The following MACF1 variants were observed in gnomAD, a reference collection of about 807,000 sequenced individuals.
MACF1 encodes the protein microtubule actin crosslinking factor 1, also known as microtubule-actin cross-linking factor 1.
Under a neutral mutation model 854.8 loss-of-function variants are expected in MACF1, and 193 were observed. The observed-to-expected ratio is 0.23, with a 90% confidence interval of 0.20 to 0.25. The LOEUF is 0.25. Ranked by LOEUF, MACF1 falls within the 10% of genes least tolerant of loss-of-function variation. The probability of loss-of-function intolerance (pLI) is 1.00; values close to 1 mark genes in which losing one functional copy is unlikely to be tolerated. For missense variants in MACF1, 7,722 were observed against 8,929.1 expected, an observed-to-expected ratio of 0.86 and a Z score of 5.45; for synonymous variants, 3,185 against 3,226.7, an observed-to-expected ratio of 0.99 and a Z score of 0.44.
chr1:39,378,162 C>T (rs1211298028), intron 52 of MACF1, among the ~76,000 whole-genome samples: 1 of 151,964 alleles, frequency 6.6e-6, no homozygotes, highest in Non-Finnish European at 1.5e-5. Flanking sequence ...ATAATTTTAC[C>T]AGTACTTGCT....
At chr1:39,192,086 G>T (rs763124006) in intron 2 of MACF1, among the ~76,000 whole-genome samples, 77 of 152,124 alleles carry the variant, frequency 5.1e-4, no homozygotes, top group Non-Finnish European at 6.3e-4. Context: ...GGGAAGTGGA[G>T]ATTGCAGTGA....
chr1:39,453,873 G>A, intron 88 of MACF1, 23 bp downstream of exon 88: 1 of 1,613,786 alleles, frequency 6.2e-7, no homozygotes, highest in South Asian at 1.1e-5. Flanking sequence ...TTCAGAGGAG[G>A]ACTGCACACG....
In MACF1 at chr1:39,254,349, G is replaced by A. The variant is rs1230459206; in HGVS notation, c.409G>A (p.Ala137Thr). The part of the protein sequence containing the change: ...RFHRLQNVQI[A>T]LDFLKQRQVK... ...TCATAGGCTGCAGAATGTGCAGATT[G>A]CCCTGGACTTCCTAAAGCAGCGACA... The change falls in exon 5 of 101, where the codon GCC becomes ACC. Residue 137 changes from alanine (A) to threonine (T), a missense_variant. Around this residue, in one of 15 missense-constraint regions of MACF1, gnomAD observed 108 missense variants for 196.4 expected, o/e 0.55. Coordinates refer to ENST00000564288, the MANE Select transcript of MACF1 (RefSeq NM_001394062.1). The A allele has an allele frequency of 4.3e-6, 7 of 1,614,048 alleles. No individual in the cohort carries two copies. The highest frequency in any genetic ancestry group is 2.7e-5 in the African/African-American group (2 of 74,916).
Position 39,334,183 on chromosome 1 carries a change from C to T in MACF1, c.7595C>T (p.Ala2532Val), listed in dbSNP as rs1283234338. 2 of 1,613,900 alleles carry T rather than the reference C, an allele frequency of 1.2e-6. No individual in the cohort carries two copies. The highest frequency in any genetic ancestry group is 1.1e-5 in the South Asian group (1 of 91,074). ...FRHGLIGEDL[A>V]EKLKRVENLN... ...CATGGCTTAATTGGTGAAGATTTAG[C>T]CGAGAAACTCAAAAGAGTTGAGAAC... is the stretch of plus-strand genomic sequence containing the variant. The change falls in exon 37 of 101, where the codon GCC (alanine) becomes GTC (valine). Residue 2532 changes from alanine to valine, a missense_variant. By Grantham distance (64) the Ala-to-Val change is moderately conservative. This residue lies in a region of MACF1 where 1,531 missense variants were observed against 1,601.6 expected (regional missense o/e 0.96). Transcript: ENST00000564288.
intron 2 of MACF1, among the ~76,000 whole-genome samples, chr1:39,143,429 AGAG>A (rs1643391083): frequency 6.6e-6 from 1 of 152,220 alleles, no homozygotes; most frequent in African/African-American, 2.4e-5. Flanking sequence ...ATAATAGGAT[AGAG>A]GAGAGGCCAG....
rs1294640296 is a variant in MACF1, at chr1:39,291,901, C to T, written c.1786-9C>T. On this transcript the variant is annotated splice_polypyrimidine_tract_variant and intron_variant, in intron 15 of 100. Coordinates refer to ENST00000564288, the MANE Select transcript of MACF1 (RefSeq NM_001394062.1). ...AAATTATGTCATATATATATTTTTTCTTTTTCAGATGAAACTGGAGCGAGC... is the reference window on the plus strand; with the variant it reads ...AAATTATGTCATATATATATTTTTTTTTTTTCAGATGAAACTGGAGCGAGC... The T allele has an allele frequency of 1.2e-6, 2 of 1,608,158 alleles. No individual in the cohort carries two copies. Among genetic ancestry groups the T allele is most frequent in the Non-Finnish European group, 8.5e-7 (1 of 1,178,436 alleles).
intron 2 of MACF1, among the ~76,000 whole-genome samples, chr1:39,139,197 C>T (rs1273871109): frequency 6.6e-6 from 1 of 152,058 alleles, no homozygotes; most frequent in African/African-American, 2.4e-5. Context: ...TCATTTATTC[C>T]TACTTGAATT....
chr1:39,455,186 G>A (rs1644411660), intron 89 of MACF1, 89 bp downstream of exon 89: 4 of 1,279,984 alleles, frequency 3.1e-6, no homozygotes, highest in African/African-American at 3.0e-5. Flanking sequence ...TTTTTAAATG[G>A]CTGCTTAACA....
At chr1:39,297,504 C>A (rs1335944142) in intron 20 of MACF1, 116 bp from the exon 21 acceptor site, 5 of 1,200,444 alleles carry the variant, frequency 4.2e-6, no homozygotes, top group Non-Finnish European at 5.9e-6. Context: ...GTCACTAATG[C>A]AGTAGGGTGT....
intron 1 of MACF1, among the ~76,000 whole-genome samples, chr1:39,225,089 C>T (rs1644698736): frequency 6.6e-6 from 1 of 152,122 alleles, no homozygotes; most frequent in Admixed American, 6.5e-5. Flanking sequence ...GAGGCTGAAG[C>T]AGGAGGATTG....
chr1:39,416,379 C>T lies in MACF1; in HGVS notation c.15817-5995C>T, dbSNP rs573355419. 6.6e-5 allele frequency among the ~76,000 whole-genome samples: 10 copies of T among 151,828 alleles called. No individual in the cohort carries two copies. The South Asian group carries it at 2.1e-3, about 32-fold the overall frequency. On this transcript the variant is annotated intron_variant, in intron 58 of 100. Coordinates refer to ENST00000564288, the MANE Select transcript of MACF1 (RefSeq NM_001394062.1). The stretch of plus-strand genomic sequence containing the variant: ...GAATATTTCACACCAGGCACAGTGG[C>T]TCACACCTCTAATCCCAACATTTGG...
rs1379827693 is a variant in MACF1 at position 39,433,182 on chromosome 1, A to G, written c.17565+27A>G. 10 of 1,383,030 alleles carry G rather than the reference A, an allele frequency of 7.2e-6. No individual in the cohort carries two copies. The South Asian group carries it at 1.2e-4, about 17-fold the overall frequency. 85.7% of individuals were successfully genotyped at this position (1,383,030 alleles called of 1,614,324 possible). Reference sequence around the variant, plus strand: ...TGAATTACATTTATTTATTTGCCATATTGTTCCTGTTTTTATCATGGTGAA... The same window carrying G: ...TGAATTACATTTATTTATTTGCCATGTTGTTCCTGTTTTTATCATGGTGAA... On this transcript the variant is annotated intron_variant, in intron 68 of 100. Coordinates refer to ENST00000564288, the MANE Select transcript of MACF1 (RefSeq NM_001394062.1).
intron 3 of MACF1, 127 bp from the exon 4 acceptor site, chr1:39,251,719 G>A (rs1003361346): frequency 4.4e-6 from 2 of 449,594 alleles, no homozygotes; most frequent in Non-Finnish European, 3.7e-6. Flanking sequence ...TATCTTTTTC[G>A]GAGGTGGGAG....
intron 70 of MACF1, chr1:39,436,636 T>TA (rs1643983729): frequency 6.7e-6 from 5 of 748,028 alleles, no homozygotes; most frequent in East Asian, 2.7e-5. Context: ...GGGTGGAACC[T>TA]AGAAGTGAGA....
intron 2 of MACF1, among the ~76,000 whole-genome samples, chr1:39,123,344 A>T (rs974107667): frequency 2.0e-5 from 3 of 148,582 alleles, no homozygotes; most frequent in Non-Finnish European, 4.5e-5. Flanking sequence ...AGTAGCTGTG[A>T]CCACAGGTGC....
At chr1:39,363,882 G>T (rs1461478658) in intron 49 of MACF1, among the ~76,000 whole-genome samples, 2 of 152,270 alleles carry the variant, frequency 1.3e-5, no homozygotes, top group African/African-American at 2.4e-5. Flanking sequence ...AAAGTGCTGG[G>T]ATTATAGGCA....
At chr1:39,091,819 A>G (rs746438204) in intron 2 of MACF1, among the ~76,000 whole-genome samples, 4 of 152,148 alleles carry the variant, frequency 2.6e-5, no homozygotes, top group Non-Finnish European at 5.9e-5. Flanking sequence ...AGCTCTTTTC[A>G]TGAATATCAT....
rs146181494 is a variant in MACF1, at chr1:39,152,525, A to G, written c.220+68087A>G. ...TTTTTAAACAGATGTTGACACCCTC[A>G]TTGACGTTCTCCCTGTTAGGTGCTT... On this transcript the variant is annotated intron_variant, in intron 2 of 93. Coordinates refer to the MACF1 transcript ENST00000361689. Among the ~76,000 whole-genome samples, 1,058 of 152,330 alleles carry G rather than the reference A, an allele frequency of 6.9e-3. 6 individuals carry two copies. Among genetic ancestry groups the G allele is most frequent in the Admixed American group, 0.012 (176 of 15,302 alleles).
At chr1:39,124,472 A>T (rs1346164476) in intron 2 of MACF1, among the ~76,000 whole-genome samples, 1 of 152,200 alleles carries the variant, frequency 6.6e-6, no homozygotes, top group Non-Finnish European at 1.5e-5. Context: ...AAATTTAGTA[A>T]TGTCTGTATC....
Sources: allele counts gnomAD v4.1 joint callset (sites outside exome capture counted in the v4.1 genomes callset), GRCh38; gene constraint gnomAD v4.1.1; regional missense constraint gnomAD v4.1.1; transcripts MANE v1.5; gene names NCBI Gene and HGNC (gene_info 2026-07-23, HGNC 2026-07-21).